The following FOXP2 variants were observed in gnomAD, a reference collection of about 807,000 sequenced individuals.
FOXP2 encodes forkhead box protein P2.
Under a neutral mutation model 115.8 loss-of-function variants are expected in FOXP2, and 12 were observed. That is an observed-to-expected ratio of 0.10 (90% CI 0.07 to 0.17). The LOEUF (loss-of-function observed/expected upper bound fraction) is 0.17. Among genes scored for constraint, FOXP2 ranks in the 10% least tolerant of loss-of-function variants. FOXP2 has a pLI of 1.00. For synonymous variants in FOXP2, 328 were observed against 297.7 expected (o/e 1.10, Z -1.05); for missense variants, 629 against 843.5 (o/e 0.75, Z 3.15).
intron 1 of FOXP2, among the ~76,000 whole-genome samples, chr7:114,270,395 CCA>C (rs1254487606): frequency 6.6e-6 from 1 of 152,104 alleles, no homozygotes; most frequent in African/African-American, 2.4e-5. Flanking sequence ...TAAGAAACTG[CCA>C]CAGTCTTTCA....
chr7:114,559,074 A>G (rs893825686), intron 3 of FOXP2, among the ~76,000 whole-genome samples: 1 of 152,204 alleles, frequency 6.6e-6, no homozygotes, highest in African/African-American at 2.4e-5. Flanking sequence ...TAAAGCAAAC[A>G]TGCATACAAG....
At chr7:114,535,054 G>A (rs1464511581) in intron 3 of FOXP2, among the ~76,000 whole-genome samples, 1 of 151,680 alleles carries the variant, frequency 6.6e-6, no homozygotes, top group Non-Finnish European at 1.5e-5. Context: ...ATAGTAAAAT[G>A]GTGTGGAAGG....
intron 2 of FOXP2, among the ~76,000 whole-genome samples, chr7:114,461,271 T>C (rs775060765): frequency 6.6e-6 from 1 of 152,216 alleles, no homozygotes; most frequent in Non-Finnish European, 1.5e-5. Flanking sequence ...CATTGTACAT[T>C]TATATTTAGC....
intron 2 of FOXP2, among the ~76,000 whole-genome samples, chr7:114,521,919 T>C (rs890727793): frequency 3.6e-4 from 55 of 152,176 alleles, no homozygotes; most frequent in Non-Finnish European, 1.8e-4. Flanking sequence ...ACCATTTGCA[T>C]CTCAGATATC....
Position 114,603,608 on chromosome 7 carries a change from G to A in FOXP2, c.259-24932G>A, listed in dbSNP as rs577885411. On this transcript the variant is annotated intron_variant, in intron 3 of 16. Coordinates refer to ENST00000350908, the MANE Select transcript of FOXP2 (RefSeq NM_014491.4). Reference sequence around the variant, plus strand: ...ATTTTGAATTAACAGATAAATGTCAGTGTGTTACATAAACTAACAAGTTAG... The same window carrying A: ...ATTTTGAATTAACAGATAAATGTCAATGTGTTACATAAACTAACAAGTTAG... 1.0e-3 allele frequency among the ~76,000 whole-genome samples: 158 copies of A among 152,306 alleles called. 3 individuals are homozygous for A. The South Asian group carries it at 0.032, about 31-fold the overall frequency.
intron 8 of FOXP2, among the ~76,000 whole-genome samples, chr7:114,651,664 C>A (rs924175331): frequency 6.6e-6 from 1 of 152,024 alleles, no homozygotes; most frequent in African/African-American, 2.4e-5. Context: ...TCAAAATCTT[C>A]AATGAAGTTC....
intron 2 of FOXP2, chr7:114,288,187 A>C: frequency 2.3e-6 from 1 of 425,582 alleles, no homozygotes; most frequent in Non-Finnish European, 4.7e-6. Context: ...TTTACTCTTT[A>C]GTTTTTTTGG....
chr7:114,491,637 T>C (rs1360069414), intron 2 of FOXP2, among the ~76,000 whole-genome samples: 1 of 152,210 alleles, frequency 6.6e-6, no homozygotes, highest in African/African-American at 2.4e-5. Flanking sequence ...TTTATGGTTT[T>C]AAGTCTAACA....
intron 2 of FOXP2, among the ~76,000 whole-genome samples, chr7:114,433,845 A>G (rs555725863): frequency 1.3e-5 from 2 of 152,158 alleles, no homozygotes; most frequent in South Asian, 4.1e-4. Context: ...ACTGGCTTAC[A>G]TGAATATTAG....
intron 1 of FOXP2, among the ~76,000 whole-genome samples, chr7:114,212,622 G>T (rs1395058349): frequency 1.3e-5 from 2 of 151,066 alleles, no homozygotes; most frequent in Non-Finnish European, 2.9e-5. Context: ...GATATATTTT[G>T]TCTTTCCTCT....
At chr7:114,513,902 A>G (rs778941898) in intron 2 of FOXP2, among the ~76,000 whole-genome samples, 4 of 152,128 alleles carry the variant, frequency 2.6e-5, no homozygotes, top group Non-Finnish European at 5.9e-5. Flanking sequence ...CCTATTTTAA[A>G]GCAAAATAGG....
At chr7:114,121,783 A>G (rs1388455458) in intron 1 of FOXP2, among the ~76,000 whole-genome samples, 1 of 152,144 alleles carries the variant, frequency 6.6e-6, no homozygotes, top group African/African-American at 2.4e-5. Flanking sequence ...TGTTTTAAAG[A>G]GTAGTTAAAT....
At chr7:114,444,012 T>A (rs1255912247) in intron 2 of FOXP2, among the ~76,000 whole-genome samples, 1 of 152,158 alleles carries the variant, frequency 6.6e-6, no homozygotes, top group African/African-American at 2.4e-5. Context: ...CTTTCCACAA[T>A]GGCTGAACTA....
chr7:114,445,961 T>C lies in FOXP2; in HGVS notation c.168+19282T>C, dbSNP rs1794816757. Among the ~76,000 whole-genome samples, 3 of 152,108 alleles carry C rather than the reference T, an allele frequency of 2.0e-5. No individual in the cohort carries two copies. In the South Asian group the frequency reaches 6.2e-4, roughly 32 times the overall value. On this transcript the variant is annotated intron_variant, in intron 2 of 16. Coordinates refer to ENST00000350908, the MANE Select transcript of FOXP2 (RefSeq NM_014491.4). ...ATGTGTGTGACAATGTAATAGCCAA[T>C]CTGGTACTGTAATTAGAAATTCACC... is the stretch of plus-strand genomic sequence containing the variant.
At chr7:114,510,825 A>G (rs759228828) in intron 2 of FOXP2, among the ~76,000 whole-genome samples, 2 of 152,170 alleles carry the variant, frequency 1.3e-5, no homozygotes, top group Non-Finnish European at 2.9e-5. Context: ...AGAAACAGAA[A>G]TACCATCTGA....
chr7:114,586,624 AAAAT>A (rs994041827), intron 3 of FOXP2, among the ~76,000 whole-genome samples: 1 of 152,068 alleles, frequency 6.6e-6, no homozygotes, highest in African/African-American at 2.4e-5. Flanking sequence ...ATTTATTTTT[AAAAT>A]AAATAAGGTG....
chr7:114,659,027 C>T (rs1279153038), intron 11 of FOXP2, among the ~76,000 whole-genome samples: 2 of 152,064 alleles, frequency 1.3e-5, no homozygotes, highest in African/African-American at 2.4e-5. Context: ...ATGAGAGAAG[C>T]AAAGATTATA....
intron 1 of FOXP2, among the ~76,000 whole-genome samples, chr7:114,228,066 G>A (rs894705026): frequency 6.6e-6 from 1 of 151,834 alleles, no homozygotes; most frequent in African/African-American, 2.4e-5. Flanking sequence ...TATTATGATG[G>A]CATATCAAAA....
chr7:114,472,197 C>T (rs1050180006), intron 2 of FOXP2, among the ~76,000 whole-genome samples: 2 of 151,550 alleles, frequency 1.3e-5, no homozygotes, highest in Non-Finnish European at 2.9e-5. Context: ...AGATGAAGCC[C>T]CTTGAACTTT....
Sources: gnomAD v4.1 joint callset for allele counts (sites outside exome capture counted in the v4.1 genomes callset) on GRCh38, gnomAD v4.1.1 for gene constraint, MANE v1.5 for transcripts, NCBI Gene and HGNC (gene_info 2026-07-23, HGNC 2026-07-21) for gene names.